Variants in BBS9 observed in about 807,000 individuals in gnomAD.
BBS9 encodes protein PTHB1.
Under a neutral mutation model 117.7 loss-of-function variants are expected in BBS9, and 89 were observed. The ratio of observed to expected loss-of-function variants is 0.76; its 90% CI spans 0.64 to 0.90. BBS9 has a LOEUF of 0.90. Among genes scored for constraint, BBS9 ranks in the 40% least tolerant of loss-of-function variants. The pLI is 0.00. For synonymous variants in BBS9, 379 were observed against 370.9 expected, an observed-to-expected ratio of 1.02 and a Z score of -0.25; for missense variants, 982 against 1,042.2, an observed-to-expected ratio of 0.94 and a Z score of 0.80.
chr7:33,412,148 C>G (rs1029728060), intron 19 of BBS9, among the ~76,000 whole-genome samples: 1 of 151,900 alleles, frequency 6.6e-6, no homozygotes, highest in African/African-American at 2.4e-5. Context: ...GTAATAGAAC[C>G]CATTTTGTTA....
intron 9 of BBS9, among the ~76,000 whole-genome samples, chr7:33,323,618 C>G (rs1812179235): frequency 6.6e-6 from 1 of 151,758 alleles, no homozygotes; most frequent in African/African-American, 2.4e-5. Flanking sequence ...TATTGTTAGT[C>G]TATTTGTGTC....
chr7:33,213,037 G>A (rs914064529), intron 5 of BBS9, among the ~76,000 whole-genome samples: 7 of 152,162 alleles, frequency 4.6e-5, no homozygotes, highest in African/African-American at 1.7e-4. Flanking sequence ...GTTCACTCAA[G>A]GCCCTAGAGT....
At chr7:33,144,124 T>C (rs1791973941) in intron 1 of BBS9, among the ~76,000 whole-genome samples, 1 of 152,196 alleles carries the variant, frequency 6.6e-6, no homozygotes, top group Admixed American at 6.5e-5. Context: ...TCAGTAACTT[T>C]TAGTAACCTT....
In BBS9 at chr7:33,264,241, A is replaced by T. The variant is rs753398881; in HGVS notation, c.618-49A>T. On this transcript the variant is annotated intron_variant, in intron 6 of 22. Coordinates refer to ENST00000242067, the MANE Select transcript of BBS9 (RefSeq NM_198428.3). ...CTTTTAAAGTTTAAAATAATTTATA[A>T]TTTTTAATTATAAACTCATTTATAA... is the stretch of plus-strand genomic sequence containing the variant. 6.1e-6 allele frequency: 6 copies of T among 979,330 alleles called. No homozygotes were observed. The South Asian group carries it at 1.4e-4, about 24-fold the overall frequency. 60.7% of individuals were successfully genotyped at this position (979,330 alleles called of 1,614,324 possible).
At chr7:33,131,657 A>C (rs1789628801) in intron 1 of BBS9, among the ~76,000 whole-genome samples, 1 of 152,226 alleles carries the variant, frequency 6.6e-6, no homozygotes, top group East Asian at 1.9e-4. Flanking sequence ...TGTTTTTTCC[A>C]CAGCATTCTT....
chr7:33,594,461 T>C (rs554710060), intron 21 of BBS9, among the ~76,000 whole-genome samples: 1 of 152,180 alleles, frequency 6.6e-6, no homozygotes, highest in East Asian at 1.9e-4. Context: ...GAAAGAAAAG[T>C]CATGGGATGG....
chr7:33,616,369 A>G (rs1865132295), intron 21 of BBS9, among the ~76,000 whole-genome samples: 1 of 150,640 alleles, frequency 6.6e-6, no homozygotes, highest in Admixed American at 6.6e-5. Flanking sequence ...CTTATGAAAA[A>G]GTATAGTGTT....
chr7:33,551,293 G>C (rs1854376526), intron 21 of BBS9, among the ~76,000 whole-genome samples: 2 of 152,140 alleles, frequency 1.3e-5, no homozygotes, highest in East Asian at 3.9e-4. Flanking sequence ...TGAGGTGTAG[G>C]AGTCTGGCTG....
intron 6 of BBS9, among the ~76,000 whole-genome samples, chr7:33,259,732 A>G (rs1046483495): frequency 5.9e-5 from 9 of 152,136 alleles, no homozygotes; most frequent in Non-Finnish European, 1.0e-4. Flanking sequence ...TCTCTGGGCC[A>G]TGTATGTCCA....
chr7:33,266,813 GCT>G (rs1798908425), intron 7 of BBS9, among the ~76,000 whole-genome samples: 1 of 152,014 alleles, frequency 6.6e-6, no homozygotes, highest in Admixed American at 6.6e-5. Context: ...CACAATCTTG[GCT>G]CACTGCAACC....
In BBS9 at chr7:33,336,540, A is replaced by T. The variant is rs567466908; in HGVS notation, c.1116A>T (p.Gln372His). 2 of 1,613,460 alleles carry T rather than the reference A, an allele frequency of 1.2e-6. No homozygotes were observed. Among genetic ancestry groups the T allele is most frequent in the East Asian group, 4.5e-5 (2 of 44,842 alleles). ...DPSLFQAPNVQSRELNYDELD... is the reference protein window; with the variant it reads ...DPSLFQAPNVHSRELNYDELD... Reference sequence around the variant, plus strand: ...CTCTGTTCCAAGCTCCAAACGTTCAATCTCGAGAACTAAACTATGATGAAC... The same window carrying T: ...CTCTGTTCCAAGCTCCAAACGTTCATTCTCGAGAACTAAACTATGATGAAC... Residue 372 changes from glutamine (Q) to histidine (H), a missense_variant, in exon 10 of 23, where the codon CAA becomes CAT. Coordinates refer to ENST00000242067, the MANE Select transcript of BBS9 (RefSeq NM_198428.3).
At chr7:33,491,676 A>T (rs183874436) in intron 19 of BBS9, among the ~76,000 whole-genome samples, 3 of 152,292 alleles carry the variant, frequency 2.0e-5, no homozygotes, top group Admixed American at 6.5e-5. Context: ...AGTCATTCCA[A>T]ATGTGATGGA....
chr7:33,244,248 T>TAAAC (rs1197887968), intron 5 of BBS9, among the ~76,000 whole-genome samples: 3 of 151,812 alleles, frequency 2.0e-5, no homozygotes. Flanking sequence ...AACAAACAAA[T>TAAAC]AAACAAACAA....
At chr7:33,457,331 GT>G (rs967415276) in intron 19 of BBS9, among the ~76,000 whole-genome samples, 3 of 152,158 alleles carry the variant, frequency 2.0e-5, no homozygotes, top group African/African-American at 7.2e-5. Context: ...ATGTAGAGGA[GT>G]TTCCGCTTCT....
intron 9 of BBS9, among the ~76,000 whole-genome samples, chr7:33,312,289 G>A (rs770577291): frequency 1.3e-4 from 20 of 152,254 alleles, no homozygotes; most frequent in East Asian, 5.8e-4. Flanking sequence ...TAGCTAGAGC[G>A]GGATATAGGC....
chr7:33,211,503 A>T (rs1451021908), intron 5 of BBS9, among the ~76,000 whole-genome samples: 1 of 151,970 alleles, frequency 6.6e-6, no homozygotes, highest in African/African-American at 2.4e-5. Context: ...GATTGTTATT[A>T]TCCCCCTGCT....
intron 5 of BBS9, among the ~76,000 whole-genome samples, chr7:33,208,563 C>G (rs2128221908): frequency 6.6e-6 from 1 of 152,296 alleles, no homozygotes; most frequent in East Asian, 1.9e-4. Flanking sequence ...TTCACAGAAT[C>G]TTATAAGCCT....
rs552251529 is a variant in BBS9, at chr7:33,291,984, A to C, written c.1016+18028A>C. ...TTCTCCAGGGAATTGGCTTATAGAA[A>C]GATGTTTCCTCTTTCATATAGGGAC... On this transcript the variant is annotated intron_variant, in intron 9 of 22. Coordinates refer to ENST00000242067, the MANE Select transcript of BBS9 (RefSeq NM_198428.3). Among the ~76,000 whole-genome samples the C allele has an allele frequency of 3.2e-4, 49 of 152,296 alleles. 1 individual carries two copies. The South Asian group carries it at 7.1e-3, about 22-fold the overall frequency.
rs147669021 is a variant in BBS9, at chr7:33,456,272, C to G, written c.2116-49191C>G. On this transcript the variant is annotated intron_variant, in intron 19 of 22. Coordinates refer to ENST00000242067, the MANE Select transcript of BBS9 (RefSeq NM_198428.3). ...TAGGTAATGTTGAATTTCCCATAGG[C>G]TTTGAATTTGAATGTAAATTCTAGA... 6.8e-3 allele frequency among the ~76,000 whole-genome samples: 1,031 copies of G among 152,166 alleles called. 6 individuals are homozygous for G. Among genetic ancestry groups the G allele is most frequent in the Non-Finnish European group, 0.012 (812 of 68,000 alleles).
Sources: allele counts gnomAD v4.1 joint callset (sites outside exome capture counted in the v4.1 genomes callset), GRCh38; gene constraint gnomAD v4.1.1; transcripts MANE v1.5; gene names NCBI Gene and HGNC (gene_info 2026-07-23, HGNC 2026-07-21).